Variants in ACAD9 observed in about 807,000 individuals in gnomAD.
ACAD9 encodes the protein complex I assembly factor ACAD9, mitochondrial.
In ACAD9, 53 loss-of-function variants were observed where a neutral mutation model predicts 70.2. The ratio of observed to expected loss-of-function variants is 0.75; its 90% CI spans 0.61 to 0.95. ACAD9 has a LOEUF of 0.95. Among genes scored for constraint, ACAD9 ranks in the 40% least tolerant of loss-of-function variants. The pLI, the probability that ACAD9 is intolerant of heterozygous loss-of-function variation, is 0.00. For synonymous variants in ACAD9, 313 were observed against 312.1 expected (o/e 1.00, Z -0.03); for missense variants, 777 against 802.8 (o/e 0.97, Z 0.39).
In ACAD9 at chr3:128,910,742, T is replaced by TTCTC; in HGVS notation, c.1696_1699dup (p.Leu567SerfsTer31). On this transcript the variant is annotated frameshift_variant and splice_region_variant, in exon 17 of 18. Transcript: ENST00000308982. LOFTEE classifies it high-confidence loss of function. ...CTTTTCTGTCCTCGGTTCTGGCAGGTTCTCTTGGCCAACACCTTCTGCGTG... is the reference window on the plus strand; with the variant it reads ...CTTTTCTGTCCTCGGTTCTGGCAGGTTCTCTCTCTTGGCCAACACCTTCTGCGTG... 3.1e-6 allele frequency: 5 copies of TTCTC among 1,614,244 alleles called. No homozygotes were observed. The highest frequency in any genetic ancestry group is 2.5e-6 in the Non-Finnish European group (3 of 1,180,044).
intron 11 of ACAD9, among the ~76,000 whole-genome samples, chr3:128,904,971 C>G (rs1361131532): frequency 6.6e-6 from 1 of 151,966 alleles, no homozygotes; most frequent in Non-Finnish European, 1.5e-5. Flanking sequence ...ATGGTAAAAC[C>G]CCATCTCTAC....
chr3:128,896,742 C>T (rs1465602532), intron 5 of ACAD9, among the ~76,000 whole-genome samples: 4 of 152,324 alleles, frequency 2.6e-5, no homozygotes, highest in East Asian at 1.9e-4. Flanking sequence ...TGAGATACCA[C>T]GCTTGACAGC....
intron 9 of ACAD9, among the ~76,000 whole-genome samples, chr3:128,903,318 CAGAG>C (rs1048912483): frequency 7.2e-5 from 11 of 152,202 alleles, no homozygotes; most frequent in African/African-American, 2.2e-4. Context: ...GACAGAGACT[CAGAG>C]AGGGCAAGCG....
chr3:128,892,423 A>G (rs1164679644), intron 2 of ACAD9, among the ~76,000 whole-genome samples: 1 of 152,240 alleles, frequency 6.6e-6, no homozygotes, highest in Non-Finnish European at 1.5e-5. Context: ...ATACTGATGA[A>G]GTTTAATTAG....
At chr3:128,895,197 TAA>T in intron 3 of ACAD9, 111 bp from the exon 4 acceptor site, 3 of 839,422 alleles carry the variant, frequency 3.6e-6, no homozygotes, top group African/African-American at 3.5e-5. Flanking sequence ...TTTTTTTTTT[TAA>T]TATGGTGATC....
At chr3:128,899,161 G>A (rs536128147) in intron 6 of ACAD9, 126 bp from the exon 7 acceptor site, 309 of 959,058 alleles carry the variant, frequency 3.2e-4, no homozygotes, top group Non-Finnish European at 4.6e-4. Flanking sequence ...GGCTTCTGCA[G>A]AGCCAAGGAC....
chr3:128,901,584 G>A (rs527872206), intron 8 of ACAD9, among the ~76,000 whole-genome samples: 2 of 152,322 alleles, frequency 1.3e-5, no homozygotes, highest in African/African-American at 2.4e-5. Flanking sequence ...TATTCGCCTC[G>A]AGCGGAGGCT....
In ACAD9 at chr3:128,894,287, G is replaced by T. The variant is rs141435452; in HGVS notation, c.346+631G>T. 3.4e-3 allele frequency among the ~76,000 whole-genome samples: 516 copies of T among 152,304 alleles called. 4 individuals are homozygous for T. The highest frequency in any genetic ancestry group is 0.012 in the African/African-American group (495 of 41,560). ...AAACAATCCATTCCAAAATGTTACA[G>T]TGCCACAGTGGAAAAGCTCTGTCCT... On this transcript the variant is annotated intron_variant, in intron 3 of 17. Coordinates refer to ENST00000308982, the MANE Select transcript of ACAD9 (RefSeq NM_014049.5).
chr3:128,879,955 T>C lies in ACAD9; in HGVS notation c.150+114T>C. ...CCAAACCTGCCAGAGAGATACACCCTGCGGCCGAGGCGTGTTAACACTCCG... is the reference window on the plus strand; with the variant it reads ...CCAAACCTGCCAGAGAGATACACCCCGCGGCCGAGGCGTGTTAACACTCCG... On this transcript the variant is annotated intron_variant, in intron 1 of 17. Coordinates refer to ENST00000308982, the MANE Select transcript of ACAD9 (RefSeq NM_014049.5). 8 of 1,575,528 alleles carry C rather than the reference T, an allele frequency of 5.1e-6. No individual in the cohort carries two copies. In the East Asian group the frequency reaches 1.6e-4, roughly 32 times the overall value.
rs1212147483 is a variant in ACAD9 at position 128,912,822 on chromosome 3, C to T, written c.*215C>T. 3.0e-5 allele frequency: 21 copies of T among 708,460 alleles called. 1 individual carries two copies. Among genetic ancestry groups the T allele is most frequent in the South Asian group, 2.6e-4 (19 of 73,216 alleles). The allele number at this position is 708,460 out of a possible 1,614,324, so 43.9% of individuals were successfully genotyped here. ...TAACAGGACCATCACAGCTTCTGAA[C>T]TGAGCCGGAGAGAGAGAATGGAATT... On this transcript the variant is annotated 3_prime_UTR_variant, in exon 18 of 18. Coordinates refer to ENST00000308982, the MANE Select transcript of ACAD9 (RefSeq NM_014049.5).
intron 12 of ACAD9, among the ~76,000 whole-genome samples, chr3:128,907,553 G>A (rs953430418): frequency 6.6e-6 from 1 of 152,154 alleles, no homozygotes; most frequent in Admixed American, 6.5e-5. Context: ...CCTGTAGGGA[G>A]TCCTGCTGTC....
At chr3:128,900,014 C>G (rs1413457864) in intron 7 of ACAD9, among the ~76,000 whole-genome samples, 1 of 152,228 alleles carries the variant, frequency 6.6e-6, no homozygotes, top group African/African-American at 2.4e-5. Flanking sequence ...TCACTGCAAC[C>G]TCTGCCTCCT....
chr3:128,887,457 A>G (rs890483607), intron 2 of ACAD9, among the ~76,000 whole-genome samples: 1 of 151,596 alleles, frequency 6.6e-6, no homozygotes, highest in African/African-American at 2.4e-5. Flanking sequence ...AATTTAAAAT[A>G]TTAGCCGGGC....
At chr3:128,903,680 C>G (rs1935808227) in intron 9 of ACAD9, among the ~76,000 whole-genome samples, 1 of 152,238 alleles carries the variant, frequency 6.6e-6, no homozygotes. Flanking sequence ...TGCACCACCT[C>G]TGTCTGGGGC....
chr3:128,887,445 A>C (rs558157289), intron 2 of ACAD9, among the ~76,000 whole-genome samples: 1 of 151,856 alleles, frequency 6.6e-6, no homozygotes, highest in South Asian at 2.1e-4. Flanking sequence ...GTCTCTACTA[A>C]AAATTTAAAA....
Position 128,895,429 on chromosome 3 carries a change from G to A in ACAD9, c.453+13G>A. On this transcript the variant is annotated intron_variant, in intron 4 of 17. Coordinates refer to ENST00000308982, the MANE Select transcript of ACAD9 (RefSeq NM_014049.5). Reference sequence around the variant, plus strand: ...TATTGGCCTCAAGGTCAGGTATCTGGGGATTCTGTGTGGTGCTCTCTGTAG... The same window carrying A: ...TATTGGCCTCAAGGTCAGGTATCTGAGGATTCTGTGTGGTGCTCTCTGTAG... The A allele has an allele frequency of 6.3e-7, 1 of 1,591,562 alleles. No individual in the cohort carries two copies. Among genetic ancestry groups the A allele is most frequent in the African/African-American group, 1.3e-5 (1 of 74,318 alleles).
chr3:128,885,940 C>T (rs62268184), intron 2 of ACAD9, among the ~76,000 whole-genome samples: 7,552 of 151,660 alleles, frequency 0.05, 395 homozygotes, highest in African/African-American at 0.12. Flanking sequence ...TTGCTTGAAC[C>T]CAGGAGGCAG....
intron 7 of ACAD9, among the ~76,000 whole-genome samples, chr3:128,900,004 T>C (rs1427147314): frequency 6.6e-6 from 1 of 152,238 alleles, no homozygotes. Flanking sequence ...TGATCTCAGC[T>C]CACTGCAACC....
At chr3:128,889,368 T>C (rs1042822898) in intron 2 of ACAD9, among the ~76,000 whole-genome samples, 1 of 152,092 alleles carries the variant, frequency 6.6e-6, no homozygotes, top group African/African-American at 2.4e-5. Context: ...AGCCTAGGTG[T>C]GTAGTAGGCT....
Sources: allele counts gnomAD v4.1 joint callset (sites outside exome capture counted in the v4.1 genomes callset), GRCh38; gene constraint gnomAD v4.1.1; transcripts MANE v1.5; gene names NCBI Gene and HGNC (gene_info 2026-07-23, HGNC 2026-07-21).